Variants in WDFY3 observed in about 807,000 individuals in gnomAD.
WDFY3 encodes WD repeat and FYVE domain-containing protein 3.
A neutral mutation model predicts 409.6 loss-of-function variants in WDFY3; 66 were observed. That is an observed-to-expected ratio of 0.16 (90% CI 0.13 to 0.20). WDFY3 has a LOEUF of 0.20. Among genes scored for constraint, WDFY3 ranks in the 10% least tolerant of loss-of-function variants. The pLI is 1.00. For missense variants in WDFY3, 3,031 were observed against 4,298.1 expected (o/e 0.71, Z 8.24); for synonymous variants, 1,521 against 1,537.1 (o/e 0.99, Z 0.25).
intron 22 of WDFY3, among the ~76,000 whole-genome samples, chr4:84,788,809 C>G (rs1177611571): frequency 6.6e-6 from 1 of 152,162 alleles, no homozygotes; most frequent in Non-Finnish European, 1.5e-5. Context: ...CACCTGAGGT[C>G]AGGAGTTTGA....
chr4:84,801,464 A>G (rs1750549357), intron 17 of WDFY3, among the ~76,000 whole-genome samples, 186 bp downstream of exon 17: 5 of 152,208 alleles, frequency 3.3e-5, no homozygotes, highest in Admixed American at 2.6e-4. Flanking sequence ...GAAACACTAA[A>G]TGATTACTAA....
chr4:84,672,964 T>G lies in WDFY3; in HGVS notation c.10485A>C (p.Lys3495Asn). 5 of 1,614,076 alleles carry G rather than the reference T, an allele frequency of 3.1e-6. No homozygotes were observed. Among genetic ancestry groups the G allele is most frequent in the Middle Eastern group, 1.6e-4 (1 of 6,062 alleles). Residue 3495 changes from lysine to asparagine, a missense_variant, in exon 68 of 68, where the codon AAA becomes AAC. Physicochemically the swap from Lys to Asn is moderately conservative, Grantham distance 94 (BLOSUM62 0). Coordinates refer to ENST00000295888, the MANE Select transcript of WDFY3 (RefSeq NM_014991.6). ...GCACCGGGGATGAGATTTTCAAGCGTTTGATTTCAGATTGAAAGCGACTGC... is the reference window on the plus strand; with the variant it reads ...GCACCGGGGATGAGATTTTCAAGCGGTTGATTTCAGATTGAAAGCGACTGC... Reference protein sequence around the residue: ...QKCSRFQSEIKRLKISSPVRV... With the variant: ...QKCSRFQSEINRLKISSPVRV...
chr4:84,803,758 C>A (rs1323524277), intron 15 of WDFY3: 2 of 212,456 alleles, frequency 9.4e-6, no homozygotes, highest in Non-Finnish European at 1.9e-5. Context: ...ACCTGTACCA[C>A]AAGATGTAAA....
Position 84,733,735 on chromosome 4 carries a change from T to A in WDFY3, c.6994-126A>T, listed in dbSNP as rs1736985645. On this transcript the variant is annotated intron_variant, in intron 43 of 67. Transcript: ENST00000295888. The stretch of plus-strand genomic sequence containing the variant: ...CAATCCACACCATTTCAGTTAACAT[T>A]ATAAAAGTAAAATTACATTTGTTTA... 5 of 917,476 alleles carry A rather than the reference T, an allele frequency of 5.4e-6. No individual in the cohort carries two copies. In the South Asian group the frequency reaches 8.6e-5, roughly 16 times the overall value. 56.8% of individuals were successfully genotyped at this position (917,476 alleles called of 1,614,324 possible).
chr4:84,862,335 C>T (rs1358328487), intron 3 of WDFY3, among the ~76,000 whole-genome samples: 1 of 152,196 alleles, frequency 6.6e-6, no homozygotes, highest in African/African-American at 2.4e-5. Context: ...TGCCCAACTG[C>T]TGGAAACAGT....
chr4:84,869,425 C>T (rs1260925200), intron 3 of WDFY3, among the ~76,000 whole-genome samples: 1 of 152,114 alleles, frequency 6.6e-6, no homozygotes, highest in African/African-American at 2.4e-5. Context: ...AAGAACCCAG[C>T]CACATCATTT....
chr4:84,784,027 C>A (rs985090723), intron 24 of WDFY3, among the ~76,000 whole-genome samples: 1 of 152,096 alleles, frequency 6.6e-6, no homozygotes. Flanking sequence ...CCTTGCTAAA[C>A]CCCATAGTCA....
Position 84,794,749 on chromosome 4 carries a change from A to T in WDFY3, c.3269-12T>A, listed in dbSNP as rs1749082433. The T allele has an allele frequency of 6.3e-7, 1 of 1,590,148 alleles. No homozygotes were observed. The highest frequency in any genetic ancestry group is 1.2e-5 in the South Asian group (1 of 85,902). On this transcript the variant is annotated splice_polypyrimidine_tract_variant and intron_variant, in intron 20 of 67. Transcript: ENST00000295888. ...GAAGAATCTTTCACCTACAGTAAAA[A>T]TTAAAAAAAAAAGTCTGTGTTGATT...
At chr4:84,678,583 C>T (rs1399955972) in intron 65 of WDFY3, among the ~76,000 whole-genome samples, 2 of 152,182 alleles carry the variant, frequency 1.3e-5, no homozygotes, top group African/African-American at 2.4e-5. Flanking sequence ...CTATTCTGGG[C>T]AAAGTTACCT....
In WDFY3 at chr4:84,751,532, C is replaced by A; in HGVS notation, c.5924G>T (p.Cys1975Phe). Reference sequence around the variant, plus strand: ...AGTTTGCTTGCTGGCAGGAGTGAGACAGAGGTTGTCTATGATTAAGACCCG... The same window carrying A: ...AGTTTGCTTGCTGGCAGGAGTGAGAAAGAGGTTGTCTATGATTAAGACCCG... ...FMRVLIIDNL[C>F]LTPASKQTPL... is the part of the protein sequence containing the mutation. Residue 1975 changes from cysteine to phenylalanine, a missense_variant, in exon 36 of 68, where the codon TGT becomes TTT. Transcript: ENST00000295888. 6.2e-7 allele frequency: 1 copy of A among 1,614,154 alleles called. No homozygotes were observed. Among genetic ancestry groups the A allele is most frequent in the Non-Finnish European group, 8.5e-7 (1 of 1,180,030 alleles).
intron 1 of WDFY3, among the ~76,000 whole-genome samples, chr4:84,942,756 G>T (rs778921249): frequency 7.2e-5 from 11 of 152,114 alleles, no homozygotes; most frequent in Non-Finnish European, 1.5e-4. Flanking sequence ...TTTCGACAGG[G>T]TTCTTTGTCT....
chr4:84,827,587 G>T (rs1755042122), intron 9 of WDFY3, among the ~76,000 whole-genome samples: 1 of 151,940 alleles, frequency 6.6e-6, no homozygotes, highest in Admixed American at 6.6e-5. Context: ...TATATCTTTA[G>T]GATCAATAAA....
At chr4:84,956,136 T>C (rs928135186) in intron 1 of WDFY3, among the ~76,000 whole-genome samples, 1 of 152,174 alleles carries the variant, frequency 6.6e-6, no homozygotes, top group Admixed American at 6.5e-5. Context: ...GAAGGAAACA[T>C]GCTAGGAAGA....
chr4:84,933,784 T>C (rs1178017185), intron 1 of WDFY3, among the ~76,000 whole-genome samples: 2 of 152,182 alleles, frequency 1.3e-5, no homozygotes, highest in East Asian at 1.9e-4. Flanking sequence ...AAAGTTTGTC[T>C]TTCTGCACCT....
chr4:84,946,785 C>A (rs181251750), intron 1 of WDFY3, among the ~76,000 whole-genome samples: 2 of 151,904 alleles, frequency 1.3e-5, no homozygotes, highest in South Asian at 4.2e-4. Context: ...CTGATCTGAA[C>A]GAGGTTAATT....
chr4:84,774,589 T>C (rs890309848), intron 29 of WDFY3, among the ~76,000 whole-genome samples: 4 of 152,194 alleles, frequency 2.6e-5, no homozygotes, highest in Non-Finnish European at 5.9e-5. Context: ...AATTCCTACA[T>C]CTTTTCTCAC....
intron 4 of WDFY3, among the ~76,000 whole-genome samples, chr4:84,851,222 T>A (rs1758967189): frequency 6.6e-6 from 1 of 152,082 alleles, no homozygotes; most frequent in African/African-American, 2.4e-5. Context: ...CCTGAGGTAT[T>A]ATTTTAAAGA....
chr4:84,868,116 GA>G (rs530873405), intron 3 of WDFY3, among the ~76,000 whole-genome samples: 190 of 126,968 alleles, frequency 1.5e-3, no homozygotes, highest in African/African-American at 5.1e-3. Flanking sequence ...AGCTTTAAGT[GA>G]GCCGAGATCA....
intron 10 of WDFY3, among the ~76,000 whole-genome samples, chr4:84,825,459 C>T (rs776495830): frequency 1.4e-3 from 218 of 151,416 alleles, no homozygotes; most frequent in Non-Finnish European, 1.7e-3. Context: ...TTTGAACTCC[C>T]GGGCTCAAAA....
Sources: allele counts gnomAD v4.1 joint callset (sites outside exome capture counted in the v4.1 genomes callset), GRCh38; gene constraint gnomAD v4.1.1; transcripts MANE v1.5; gene names NCBI Gene and HGNC (gene_info 2026-07-23, HGNC 2026-07-21).